The following ITGBL1 variants were observed in gnomAD, a reference collection of about 807,000 sequenced individuals.
The protein encoded by ITGBL1 is integrin subunit beta like 1.
A neutral mutation model predicts 68.5 loss-of-function variants in ITGBL1; 51 were observed. That is an observed-to-expected ratio of 0.74 (90% CI 0.59 to 0.94). ITGBL1 has a LOEUF of 0.94. Among genes scored for constraint, ITGBL1 ranks in the 40% least tolerant of loss-of-function variants. The pLI, the probability that ITGBL1 is intolerant of heterozygous loss-of-function variation, is 0.00. For synonymous variants in ITGBL1, 209 were observed against 227.3 expected (o/e 0.92, Z 0.72); for missense variants, 649 against 647.4 (o/e 1.00, Z -0.03).
chr13:101,656,138 A>G (rs560611076), intron 7 of ITGBL1, among the ~76,000 whole-genome samples: 1 of 152,190 alleles, frequency 6.6e-6, no homozygotes, highest in South Asian at 2.1e-4. Context: ...GACCTGGGAT[A>G]TATAGAAAGG....
At chr13:101,525,115 A>G (rs925688460) in intron 2 of ITGBL1, among the ~76,000 whole-genome samples, 1 of 152,176 alleles carries the variant, frequency 6.6e-6, no homozygotes, top group African/African-American at 2.4e-5. Flanking sequence ...ATGTGTTTTC[A>G]GAAGTTTTGG....
intron 7 of ITGBL1, among the ~76,000 whole-genome samples, chr13:101,618,399 A>G (rs561317589): frequency 2.0e-3 from 307 of 152,312 alleles, no homozygotes; most frequent in African/African-American, 7.1e-3. Context: ...ATTACGTTTT[A>G]AAATCCTTTG....
At chr13:101,704,438 T>C (rs1350562069) in intron 8 of ITGBL1, among the ~76,000 whole-genome samples, 1 of 122,002 alleles carries the variant, frequency 8.2e-6, no homozygotes, top group East Asian at 2.6e-4. Context: ...TTAAAAAAGA[T>C]GATTAAAGAT....
intron 7 of ITGBL1, among the ~76,000 whole-genome samples, chr13:101,681,632 A>G (rs1369245330): frequency 1.3e-5 from 2 of 152,202 alleles, no homozygotes; most frequent in Non-Finnish European, 2.9e-5. Flanking sequence ...GTCATGTGGA[A>G]GTGAGACCTT....
intron 2 of ITGBL1, among the ~76,000 whole-genome samples, chr13:101,542,961 G>C (rs9518435): frequency 0.81 from 123,780 of 152,114 alleles, 50,567 homozygotes; most frequent in African/African-American, 0.9. Flanking sequence ...CTCTACACGT[G>C]AGATGGGTTT....
At chr13:101,705,751 G>A (rs1198060965) in intron 8 of ITGBL1, among the ~76,000 whole-genome samples, 9 of 152,210 alleles carry the variant, frequency 5.9e-5, no homozygotes, top group African/African-American at 2.2e-4. Context: ...AGAGCAAATG[G>A]TCAGGAGAGA....
chr13:101,533,439 A>G (rs1484071139), intron 2 of ITGBL1, among the ~76,000 whole-genome samples: 9 of 152,246 alleles, frequency 5.9e-5, no homozygotes, highest in African/African-American at 2.2e-4. Flanking sequence ...ATGGTTTCTG[A>G]ATATTTTTAG....
chr13:101,710,661 C>T (rs1209442687), intron 9 of ITGBL1: 3 of 152,100 alleles, frequency 2.0e-5, no homozygotes, highest in African/African-American at 4.8e-5. Context: ...AAAAGATGTT[C>T]AAGTTCTTTC....
At chr13:101,643,800 C>G (rs941199308) in intron 7 of ITGBL1, among the ~76,000 whole-genome samples, 8 of 152,126 alleles carry the variant, frequency 5.3e-5, no homozygotes, top group Admixed American at 5.2e-4. Flanking sequence ...ATAAATAAGT[C>G]TTAGAAATAA....
rs2034176812 is a variant in ITGBL1, at chr13:101,703,267, G to A, written c.1133-3489G>A. On this transcript the variant is annotated intron_variant, in intron 8 of 10. Transcript: ENST00000376180. ...GGTAAATCTTCACAGAAGGGTAGTC[G>A]CTTTTTGCTGAGCTTTGAAAATTAC... 2.0e-5 allele frequency among the ~76,000 whole-genome samples: 3 copies of A among 152,056 alleles called. 1 individual carries two copies. In the South Asian group the frequency reaches 6.2e-4, roughly 32 times the overall value.
chr13:101,517,508 T>G (rs1171044250), intron 2 of ITGBL1, among the ~76,000 whole-genome samples: 1 of 152,138 alleles, frequency 6.6e-6, no homozygotes, highest in Non-Finnish European at 1.5e-5. Context: ...CCTCAGTAGT[T>G]TTGTAAGCTC....
chr13:101,617,299 A>G (rs1462334928), intron 7 of ITGBL1, among the ~76,000 whole-genome samples: 1 of 152,132 alleles, frequency 6.6e-6, no homozygotes, highest in Non-Finnish European at 1.5e-5. Flanking sequence ...ATTTTACTAT[A>G]AGTCATAAGA....
chr13:101,625,833 C>T (rs537537350), intron 7 of ITGBL1, among the ~76,000 whole-genome samples: 14 of 152,252 alleles, frequency 9.2e-5, no homozygotes, highest in African/African-American at 3.1e-4. Flanking sequence ...GGATTACAGG[C>T]GTGAGCCACC....
At chr13:101,687,587 A>G (rs1265450097) in intron 7 of ITGBL1, among the ~76,000 whole-genome samples, 1 of 152,080 alleles carries the variant, frequency 6.6e-6, no homozygotes, top group Non-Finnish European at 1.5e-5. Flanking sequence ...GCCTTAGTTC[A>G]TTATTCTTCT....
chr13:101,716,928 A>G (rs1176716560), downstream of ITGBL1: 1 of 152,148 alleles, frequency 6.6e-6, no homozygotes, highest in Non-Finnish European at 1.5e-5. Context: ...AAAGTGTACA[A>G]TAATTGGGAC....
chr13:101,632,838 T>G (rs2032030626), intron 7 of ITGBL1, among the ~76,000 whole-genome samples: 2 of 152,198 alleles, frequency 1.3e-5, no homozygotes, highest in African/African-American at 4.8e-5. Context: ...GAGGAGAACT[T>G]TTGAGTCACA....
At chr13:101,492,795 A>G (rs2139064576) in intron 2 of ITGBL1, among the ~76,000 whole-genome samples, 1 of 152,302 alleles carries the variant, frequency 6.6e-6, no homozygotes, top group Admixed American at 6.5e-5. Flanking sequence ...CTTGGCTCTC[A>G]AGTATATTGT....
chr13:101,576,480 T>G (rs549941717), intron 4 of ITGBL1, among the ~76,000 whole-genome samples: 1 of 152,314 alleles, frequency 6.6e-6, no homozygotes, highest in South Asian at 2.1e-4. Context: ...TAGGTAAATT[T>G]TTCTCTGCTC....
At chr13:101,514,264 C>G (rs989669823) in intron 2 of ITGBL1, among the ~76,000 whole-genome samples, 1 of 152,046 alleles carries the variant, frequency 6.6e-6, no homozygotes. Flanking sequence ...TAAAGGGAAA[C>G]TTGCAGTTTG....
Sources: allele counts gnomAD v4.1 joint callset (sites outside exome capture counted in the v4.1 genomes callset), GRCh38; gene constraint gnomAD v4.1.1; transcripts MANE v1.5; gene names NCBI Gene and HGNC (gene_info 2026-07-23, HGNC 2026-07-21).